Variants in MYO18B observed in about 807,000 individuals in gnomAD.
The protein encoded by MYO18B is unconventional myosin-XVIIIb.
MYO18B carries 204 observed loss-of-function variants against 273.0 expected under a neutral mutation model. The observed-to-expected ratio is 0.75, with a 90% CI of 0.67 to 0.84. The LOEUF is 0.84. MYO18B is among the 40% of genes least tolerant of loss of function. MYO18B has a pLI of 0.00. For synonymous variants in MYO18B, 1,330 were observed against 1,305.7 expected (o/e 1.02, Z -0.40); for missense variants, 3,212 against 3,287.6 (o/e 0.98, Z 0.56).
intron 32 of MYO18B, among the ~76,000 whole-genome samples, chr22:25,909,448 G>A (rs183974045): frequency 1.3e-5 from 2 of 152,272 alleles, no homozygotes; most frequent in South Asian, 2.1e-4. Flanking sequence ...CATCCTAAAC[G>A]AAATTTCTGA....
intron 22 of MYO18B, among the ~76,000 whole-genome samples, chr22:25,872,714 G>A (rs2091080910): frequency 1.3e-5 from 2 of 151,728 alleles, no homozygotes; most frequent in African/African-American, 2.4e-5. Flanking sequence ...GAGAATCATC[G>A]TAACTACCAT....
chr22:26,033,446 C>T (rs752564889), downstream of MYO18B, among the ~76,000 whole-genome samples: 1 of 152,084 alleles, frequency 6.6e-6, no homozygotes, highest in Non-Finnish European at 1.5e-5. Context: ...ATTTATAATA[C>T]GTTTATTTTA....
intron 10 of MYO18B, among the ~76,000 whole-genome samples, chr22:25,783,281 T>C (rs934742454): frequency 1.3e-5 from 2 of 152,206 alleles, no homozygotes; most frequent in African/African-American, 4.8e-5. Context: ...TCTCTGAGCC[T>C]TGGTTTCTCC....
chr22:25,900,227 G>C (rs1454872810), intron 29 of MYO18B: 1 of 152,196 alleles, frequency 6.6e-6, no homozygotes, highest in Non-Finnish European at 1.5e-5. Flanking sequence ...CTAGGCAGAA[G>C]CTAATTTATG....
chr22:25,913,139 A>G (rs2092191504), intron 33 of MYO18B, among the ~76,000 whole-genome samples: 1 of 152,188 alleles, frequency 6.6e-6, no homozygotes, highest in African/African-American at 2.4e-5. Flanking sequence ...CTGGGAATGT[A>G]CAATTTGGGA....
Position 25,901,796 on chromosome 22 carries a change from T to C in MYO18B, c.4824-817T>C, listed in dbSNP as rs566426488. ...TGCTGGCAGACCAGATAGATCAGGT[T>C]TTTGGGTTGGTTTTTTTTTTTTTTT... On this transcript the variant is annotated intron_variant, in intron 29 of 43. Transcript: ENST00000335473. Among the ~76,000 whole-genome samples the C allele has an allele frequency of 2.3e-3, 348 of 148,990 alleles. 1 individual carries two copies. Among genetic ancestry groups the C allele is most frequent in the African/African-American group, 8.6e-3 (342 of 39,722 alleles).
chr22:25,968,386 A>T (rs1166802574), intron 39 of MYO18B, among the ~76,000 whole-genome samples: 2 of 152,184 alleles, frequency 1.3e-5, no homozygotes, highest in African/African-American at 4.8e-5. Context: ...CAGAAGGAGG[A>T]GAAATGGTTT....
chr22:25,753,175 G>C (rs11704008), intron 1 of MYO18B, among the ~76,000 whole-genome samples: 47,694 of 151,950 alleles, frequency 0.31, 7,852 homozygotes, highest in South Asian at 0.42. Context: ...AGCTCAGCCC[G>C]TGGCCCCAGC....
Position 25,846,126 on chromosome 22 carries a change from CCCG to C in MYO18B, c.3396_3398del (p.Arg1133del). 1 of 1,591,442 alleles carries C rather than the reference CCCG, an allele frequency of 6.3e-7. No individual in the cohort carries two copies. Among genetic ancestry groups the C allele is most frequent in the Non-Finnish European group, 8.5e-7 (1 of 1,171,226 alleles). The stretch of plus-strand genomic sequence containing the variant: ...GAGGAGCTGCGGAGTCTATTCCAGG[CCCG>C]GGCCAAGCTGCCTCCTGTGTGCCGG... On this transcript the variant is annotated inframe_deletion, in exon 19 of 44. Coordinates refer to ENST00000335473, the MANE Select transcript of MYO18B (RefSeq NM_032608.7).
At chr22:25,911,216 A>G (rs114353663) in intron 33 of MYO18B, among the ~76,000 whole-genome samples, 166 bp downstream of exon 33, 2,955 of 152,308 alleles carry the variant, frequency 0.019, 95 homozygotes, top group African/African-American at 0.066. Flanking sequence ...TGCAAACAGC[A>G]GGGTTTTTGT....
chr22:25,840,296 C>T (rs1035199980), intron 17 of MYO18B, among the ~76,000 whole-genome samples: 1 of 152,262 alleles, frequency 6.6e-6, no homozygotes, highest in African/African-American at 2.4e-5. Context: ...ACATAGCATG[C>T]ACATTCCCAC....
intron 11 of MYO18B, among the ~76,000 whole-genome samples, chr22:25,788,986 C>G (rs1199441676): frequency 6.6e-6 from 1 of 152,178 alleles, no homozygotes; most frequent in Non-Finnish European, 1.5e-5. Context: ...CAATGAAGTA[C>G]TTCGGCAGTG....
chr22:26,041,597 CAG>C, the MYO18B span, among the ~76,000 whole-genome samples: 2 of 151,986 alleles, frequency 1.3e-5, no homozygotes, highest in Non-Finnish European at 2.9e-5. Flanking sequence ...GGCTTTGGAG[CAG>C]AGTTTTGACA....
the MYO18B span, among the ~76,000 whole-genome samples, chr22:26,037,005 C>G: frequency 6.6e-6 from 1 of 152,142 alleles, no homozygotes; most frequent in African/African-American, 2.4e-5. Flanking sequence ...GCTCTATCTC[C>G]AAATACAGGC....
rs528855449 is a variant in MYO18B, at chr22:25,834,629, T to G, written c.3061-667T>G. Among the ~76,000 whole-genome samples, 10 of 152,328 alleles carry G rather than the reference T, an allele frequency of 6.6e-5. No homozygotes were observed. In the South Asian group the frequency reaches 2.1e-3, roughly 32 times the overall value. ...CTATAACAAGTTGGTGGCCTTTTTT[T>G]GGTTGTGCCAACTCCTTATGGGCCC... is the stretch of plus-strand genomic sequence containing the variant. On this transcript the variant is annotated intron_variant, in intron 16 of 43. Transcript: ENST00000335473.
intron 28 of MYO18B, chr22:25,896,619 A>G (rs889010206): frequency 1.3e-5 from 2 of 152,136 alleles, no homozygotes; most frequent in African/African-American, 4.8e-5. Context: ...TATATAATAT[A>G]TTTTTATCTA....
intron 22 of MYO18B, among the ~76,000 whole-genome samples, chr22:25,873,728 C>T (rs2091112198): frequency 6.6e-6 from 1 of 152,218 alleles, no homozygotes; most frequent in Non-Finnish European, 1.5e-5. Flanking sequence ...GCATGAGCCA[C>T]CACGCCCGGC....
intron 6 of MYO18B, among the ~76,000 whole-genome samples, chr22:25,771,787 A>G (rs2086729574): frequency 1.3e-5 from 2 of 152,254 alleles, no homozygotes; most frequent in African/African-American, 2.4e-5. Flanking sequence ...GACGCCTCTT[A>G]GAACAGATGT....
intron 1 of MYO18B, among the ~76,000 whole-genome samples, chr22:25,745,472 G>GACACACACAC (rs3068433): frequency 0.018 from 2,592 of 146,094 alleles, 37 homozygotes; most frequent in South Asian, 0.035. Flanking sequence ...CTCTCTCTCT[G>GACACACACAC]ACACACACAC....
Sources: gnomAD v4.1 joint callset for allele counts (sites outside exome capture counted in the v4.1 genomes callset) on GRCh38, gnomAD v4.1.1 for gene constraint, MANE v1.5 for transcripts, NCBI Gene and HGNC (gene_info 2026-07-23, HGNC 2026-07-21) for gene names.